The following TMEM131L variants were observed in gnomAD, a reference collection of about 807,000 sequenced individuals.
TMEM131L encodes the protein transmembrane 131 like.
In TMEM131L, 54 loss-of-function variants were observed where a neutral mutation model predicts 192.2. That is an observed-to-expected ratio of 0.28 (90% CI 0.23 to 0.35). The LOEUF (loss-of-function observed/expected upper bound fraction) is 0.35. TMEM131L is among the 10% of genes least tolerant of loss of function. TMEM131L has a pLI of 1.00. For synonymous variants in TMEM131L, 701 were observed against 704.9 expected, an observed-to-expected ratio of 0.99 and a Z score of 0.09; for missense variants, 1,888 against 1,972.9, an observed-to-expected ratio of 0.96 and a Z score of 0.82.
intron 3 of TMEM131L, among the ~76,000 whole-genome samples, chr4:153,549,420 T>C (rs1466295707): frequency 2.6e-5 from 4 of 152,266 alleles, no homozygotes; most frequent in Non-Finnish European, 5.9e-5. Flanking sequence ...ATGTGTATTT[T>C]GTATTTTATG....
At chr4:153,481,969 C>T (rs918624953) in intron 3 of TMEM131L, among the ~76,000 whole-genome samples, 1 of 152,164 alleles carries the variant, frequency 6.6e-6, no homozygotes, top group East Asian at 1.9e-4. Flanking sequence ...GCCTCAGCCT[C>T]CTGAGTAGCT....
intron 3 of TMEM131L, among the ~76,000 whole-genome samples, chr4:153,501,608 C>T (rs1474494819): frequency 6.6e-6 from 1 of 152,140 alleles, no homozygotes; most frequent in Non-Finnish European, 1.5e-5. Context: ...TTACTTCTTG[C>T]CATCACTTTT....
intron 3 of TMEM131L, 137 bp downstream of exon 3, chr4:153,474,025 G>A (rs957541736): frequency 1.8e-5 from 10 of 553,324 alleles, no homozygotes; most frequent in African/African-American, 4.0e-5. Flanking sequence ...GGCATTTGTC[G>A]TATCTATACC....
Position 153,520,842 on chromosome 4 carries a change from A to G in TMEM131L, c.240-29231A>G, listed in dbSNP as rs28421663. On this transcript the variant is annotated intron_variant, in intron 3 of 34. Coordinates refer to ENST00000409959, the MANE Select transcript of TMEM131L (RefSeq NM_001131007.2). Reference sequence around the variant, plus strand: ...CGACTTAAAGTACGTCGTGTTTAGAATTAGTTAATGGGAAGGACTGGGGAC... The same window carrying G: ...CGACTTAAAGTACGTCGTGTTTAGAGTTAGTTAATGGGAAGGACTGGGGAC... Among the ~76,000 whole-genome samples the G allele has an allele frequency of 7.2e-3, 1,103 of 152,322 alleles. 13 individuals are homozygous for G. Among genetic ancestry groups the G allele is most frequent in the African/African-American group, 0.025 (1,047 of 41,572 alleles).
chr4:153,602,825 A>C lies in TMEM131L; in HGVS notation c.2639+98A>C, dbSNP rs77261779. On this transcript the variant is annotated intron_variant, in intron 23 of 34. Coordinates refer to ENST00000409959, the MANE Select transcript of TMEM131L (RefSeq NM_001131007.2). ...AACTGCCCGAGTGTAGTCAAAGTAT[A>C]TGAATTGAGTGGAATTGTTACTGCT... 1.7e-3 allele frequency: 1,728 copies of C among 1,045,562 alleles called. 18 individuals are homozygous for C. In the African/African-American group the frequency reaches 0.024, roughly 14 times the overall value. The allele number at this position is 1,045,562 out of a possible 1,614,324, so 64.8% of individuals were successfully genotyped here.
At chr4:153,565,123 C>T (rs1272690880) in intron 7 of TMEM131L, among the ~76,000 whole-genome samples, 1 of 152,186 alleles carries the variant, frequency 6.6e-6, no homozygotes, top group Non-Finnish European at 1.5e-5. Context: ...CCGCTTGGTC[C>T]ACACCCTGCC....
At chr4:153,539,492 ATTTTTTTTT>A (rs750436196) in intron 3 of TMEM131L, among the ~76,000 whole-genome samples, 8 of 110,822 alleles carry the variant, frequency 7.2e-5, no homozygotes, top group African/African-American at 3.1e-4. Flanking sequence ...CAGAGGCTAG[ATTTTTTTTT>A]TTTTTTTTTT....
rs1375040023 is a variant in TMEM131L, at chr4:153,621,771, A to G, written c.3781A>G (p.Ile1261Val). ...SSDINVRSWC[I>V]QESTREVCKA... ...TGACATCAATGTAAGAAGCTGGTGT[A>G]TACAGGAAAGCACTAGGGAGGTTTG... Residue 1261 changes from isoleucine to valine, a missense_variant, in exon 28 of 35, where the codon ATA (isoleucine) becomes GTA (valine). Physicochemically the swap from Ile to Val is conservative, Grantham distance 29. Transcript: ENST00000409959. The G allele has an allele frequency of 3.7e-6, 6 of 1,614,096 alleles. No individual in the cohort carries two copies. Among genetic ancestry groups the G allele is most frequent in the Admixed American group, 1.7e-5 (1 of 60,000 alleles).
At chr4:153,595,954 A>G (rs966472081) in intron 19 of TMEM131L, among the ~76,000 whole-genome samples, 2 of 152,188 alleles carry the variant, frequency 1.3e-5, no homozygotes, top group African/African-American at 4.8e-5. Context: ...TTGATGTTGT[A>G]CATTCAAAGC....
chr4:153,610,238 G>C (rs1732520019), intron 25 of TMEM131L, among the ~76,000 whole-genome samples: 1 of 152,156 alleles, frequency 6.6e-6, no homozygotes, highest in South Asian at 2.1e-4. Flanking sequence ...CCGGGAAATA[G>C]CATTAGTAGC....
intron 7 of TMEM131L, among the ~76,000 whole-genome samples, chr4:153,579,392 A>G (rs1490587307): frequency 1.3e-5 from 2 of 152,226 alleles, no homozygotes; most frequent in African/African-American, 4.8e-5. Flanking sequence ...ATATTATTCT[A>G]TTTAAGAATA....
At chr4:153,608,261 G>C (rs1290052704) in intron 25 of TMEM131L, among the ~76,000 whole-genome samples, 1 of 152,172 alleles carries the variant, frequency 6.6e-6, no homozygotes, top group African/African-American at 2.4e-5. Context: ...ATTCTTTAGG[G>C]CTCTGTTTTT....
chr4:153,520,282 C>T (rs1430889934), intron 3 of TMEM131L, among the ~76,000 whole-genome samples: 1 of 151,862 alleles, frequency 6.6e-6, no homozygotes, highest in Non-Finnish European at 1.5e-5. Flanking sequence ...TAGGGAGACC[C>T]CACCTCTGCG....
intron 3 of TMEM131L, among the ~76,000 whole-genome samples, chr4:153,548,553 T>C (rs1200525074): frequency 1.3e-5 from 2 of 152,220 alleles, no homozygotes; most frequent in South Asian, 2.1e-4. Context: ...TCTGTCCGCC[T>C]CAGCCTCCCA....
At chr4:153,627,957 C>A (rs1450353586) in intron 31 of TMEM131L, among the ~76,000 whole-genome samples, 2 of 152,230 alleles carry the variant, frequency 1.3e-5, no homozygotes, top group Non-Finnish European at 2.9e-5. Flanking sequence ...TAATCCCAGG[C>A]CCCTCACAGC....
intron 3 of TMEM131L, among the ~76,000 whole-genome samples, chr4:153,543,507 T>C (rs745879616): frequency 2.6e-5 from 4 of 152,226 alleles, no homozygotes; most frequent in Non-Finnish European, 4.4e-5. Context: ...CCTCAGTTCA[T>C]AGGCGTTTCC....
chr4:153,536,942 A>G (rs1736382723), intron 3 of TMEM131L, among the ~76,000 whole-genome samples: 1 of 152,154 alleles, frequency 6.6e-6, no homozygotes, highest in African/African-American at 2.4e-5. Flanking sequence ...CTGGGAGGCT[A>G]AGCCAGTCTA....
At chr4:153,473,299 G>A (rs183278083) in intron 2 of TMEM131L, among the ~76,000 whole-genome samples, 25 of 152,348 alleles carry the variant, frequency 1.6e-4, no homozygotes, top group African/African-American at 4.1e-4. Flanking sequence ...CACAGAGTGC[G>A]ATGGTGCACC....
rs66561250 is a variant in TMEM131L, at chr4:153,492,172, T to TA, written c.239+18297dup. On this transcript the variant is annotated intron_variant, in intron 3 of 34. Coordinates refer to ENST00000409959, the MANE Select transcript of TMEM131L (RefSeq NM_001131007.2). ...CCATGCCACCATGCTTAGCTAATTA[T>TA]AAAAAAAAAAAAAGAAGGTTTTTAA... Among the ~76,000 whole-genome samples, 298 of 143,778 alleles carry TA rather than the reference T, an allele frequency of 2.1e-3. 2 individuals carry two copies. The highest frequency in any genetic ancestry group is 3.5e-3 in the Middle Eastern group (1 of 282). 94.3% of individuals were successfully genotyped at this position (143,778 alleles called of 152,430 possible).
Sources: allele counts gnomAD v4.1 joint callset (sites outside exome capture counted in the v4.1 genomes callset), GRCh38; gene constraint gnomAD v4.1.1; transcripts MANE v1.5; gene names NCBI Gene and HGNC (gene_info 2026-07-23, HGNC 2026-07-21).